Variants in DDX1 observed in about 807,000 individuals in gnomAD.
The protein encoded by DDX1 is DEAD-box helicase 1.
A neutral mutation model predicts 108.7 loss-of-function variants in DDX1; 28 were observed. That is an observed-to-expected ratio of 0.26 (90% CI 0.19 to 0.35). The LOEUF is 0.35. Among genes scored for constraint, DDX1 ranks in the 10% least tolerant of loss-of-function variants. DDX1 has a pLI of 1.00. For missense variants in DDX1, 710 were observed against 884.5 expected, an observed-to-expected ratio of 0.80 and a Z score of 2.50; for synonymous variants, 295 against 288.9, an observed-to-expected ratio of 1.02 and a Z score of -0.21.
chr2:15,601,179 T>C (rs142607537), intron 6 of DDX1, among the ~76,000 whole-genome samples: 2 of 152,314 alleles, frequency 1.3e-5, no homozygotes, highest in African/African-American at 4.8e-5. Context: ...TGGGGTTTTT[T>C]CCCACAAGTC....
At chr2:15,611,737 G>T (rs1461958605) in intron 13 of DDX1, among the ~76,000 whole-genome samples, 2 of 108,792 alleles carry the variant, frequency 1.8e-5, no homozygotes, top group Non-Finnish European at 3.7e-5. Context: ...CCGGGCGGGG[G>T]GCTGACCCCC....
At chr2:15,595,059 AC>A (rs1665476997) in intron 1 of DDX1, 85 bp from the exon 2 acceptor site, 1 of 1,049,032 alleles carries the variant, frequency 9.5e-7, no homozygotes, top group South Asian at 1.5e-5. Flanking sequence ...CAAAATCTTT[AC>A]CCTGTTTTAT....
intron 25 of DDX1, among the ~76,000 whole-genome samples, 171 bp from the exon 26 acceptor site, chr2:15,630,605 G>T (rs1275776292): frequency 6.6e-6 from 1 of 152,150 alleles, no homozygotes; most frequent in Non-Finnish European, 1.5e-5. Flanking sequence ...TATTTATATT[G>T]AAATAATTGA....
At chr2:15,611,752 C>A (rs557498406) in intron 13 of DDX1, among the ~76,000 whole-genome samples, 12,249 of 86,000 alleles carry the variant, frequency 0.14, 751 homozygotes, top group Admixed American at 0.2. Context: ...ACCCCCCCAC[C>A]TCCCTCCCGG....
intron 14 of DDX1, among the ~76,000 whole-genome samples, chr2:15,615,271 G>T (rs1029048065): frequency 6.6e-6 from 1 of 152,136 alleles, no homozygotes; most frequent in Non-Finnish European, 1.5e-5. Flanking sequence ...TATAAATAAA[G>T]ATGTCTCACA....
At chr2:15,609,118 A>G (rs1056507654) in intron 13 of DDX1, among the ~76,000 whole-genome samples, 1 of 152,224 alleles carries the variant, frequency 6.6e-6, no homozygotes, top group Non-Finnish European at 1.5e-5. Flanking sequence ...TGAGCATACC[A>G]TGTAACCAGG....
chr2:15,609,718 A>T lies in DDX1; in HGVS notation c.956+2405A>T, dbSNP rs554003637. Among the ~76,000 whole-genome samples, 22 of 151,000 alleles carry T rather than the reference A, an allele frequency of 1.5e-4. No homozygotes were observed. In the East Asian group the frequency reaches 4.3e-3, roughly 29 times the overall value. On this transcript the variant is annotated intron_variant, in intron 13 of 25. Transcript: ENST00000233084. ...TTTATAGGGATAAATATATCTGATT[A>T]TAAATGTGGATAAAAGTAAAAGTAT...
intron 19 of DDX1, among the ~76,000 whole-genome samples, chr2:15,624,776 G>T (rs749538685): frequency 6.6e-6 from 1 of 152,116 alleles, no homozygotes; most frequent in Non-Finnish European, 1.5e-5. Flanking sequence ...GTATAATACC[G>T]TTGTACATGC....
chr2:15,621,579 T>C (rs1666008464), intron 18 of DDX1, among the ~76,000 whole-genome samples: 1 of 151,840 alleles, frequency 6.6e-6, no homozygotes, highest in African/African-American at 2.4e-5. Flanking sequence ...GTTCTGGGAT[T>C]ACAGGCATGA....
intron 19 of DDX1, among the ~76,000 whole-genome samples, chr2:15,625,801 A>C (rs985652258): frequency 6.6e-6 from 1 of 152,176 alleles, no homozygotes; most frequent in Non-Finnish European, 1.5e-5. Flanking sequence ...CGTCAAGGAA[A>C]TAGAAAACTC....
Position 15,612,703 on chromosome 2 carries a change from C to G in DDX1, c.957-521C>G, listed in dbSNP as rs548542164. On this transcript the variant is annotated intron_variant, in intron 13 of 25. Transcript: ENST00000233084. The stretch of plus-strand genomic sequence containing the variant: ...CGAGCCGAGATCACGCCACTGCACT[C>G]CAGCCTGGGCAACATTGAGCACTGA... Among the ~76,000 whole-genome samples the G allele has an allele frequency of 1.4e-3, 213 of 152,286 alleles. 1 individual carries two copies. Among genetic ancestry groups the G allele is most frequent in the African/African-American group, 4.6e-3 (193 of 41,566 alleles).
At chr2:15,595,710 TC>T (rs1171417512) in intron 3 of DDX1, among the ~76,000 whole-genome samples, 157 bp downstream of exon 3, 1 of 152,150 alleles carries the variant, frequency 6.6e-6, no homozygotes, top group East Asian at 1.9e-4. Context: ...AAGTATTTAC[TC>T]CTGAGAAGCT....
At chr2:15,596,105 T>TC (rs1413451652) in intron 3 of DDX1, among the ~76,000 whole-genome samples, 4 of 152,172 alleles carry the variant, frequency 2.6e-5, no homozygotes, top group Admixed American at 2.6e-4. Flanking sequence ...CAGTCTGGTC[T>TC]CCAACTCCCA....
intron 20 of DDX1, among the ~76,000 whole-genome samples, chr2:15,627,825 C>T (rs1369234280): frequency 6.6e-6 from 1 of 152,164 alleles, no homozygotes; most frequent in South Asian, 2.1e-4. Context: ...TGTGAAAACA[C>T]ATCGCATGGC....
rs764429298 is a variant in DDX1 at position 15,591,925 on chromosome 2, G to T, written c.-9G>T. ...GCGAGCAGGCGAAGCCGCGGAGGAC[G>T]GGGTGAAGATGGCGGCCTTCTCCGG... On this transcript the variant is annotated 5_prime_UTR_variant, in exon 1 of 26. Coordinates refer to ENST00000233084, the MANE Select transcript of DDX1 (RefSeq NM_004939.3). 6.9e-7 allele frequency: 1 copy of T among 1,451,670 alleles called. No homozygotes were observed. The highest frequency in any genetic ancestry group is 9.1e-7 in the Non-Finnish European group (1 of 1,102,530). The allele number at this position is 1,451,670 out of a possible 1,614,324, so 89.9% of individuals were successfully genotyped here.
chr2:15,605,929 C>T, intron 10 of DDX1, 21 bp from the exon 11 acceptor site: 1 of 1,499,616 alleles, frequency 6.7e-7, no homozygotes, highest in South Asian at 1.3e-5. Context: ...TTTAATCTCT[C>T]TCTCTCTCTT....
intron 14 of DDX1, among the ~76,000 whole-genome samples, chr2:15,613,641 A>T (rs1665840119): frequency 6.6e-6 from 1 of 152,148 alleles, no homozygotes; most frequent in Non-Finnish European, 1.5e-5. Context: ...GATTGCAGAG[A>T]AGGATAGAAG....
Position 15,630,130 on chromosome 2 carries a change from A to G in DDX1, c.2092+20A>G. 1.2e-6 allele frequency: 2 copies of G among 1,610,610 alleles called. No homozygotes were observed. The highest frequency in any genetic ancestry group is 1.7e-6 in the Non-Finnish European group (2 of 1,178,844). ...CTGGTGGTAAGCTTTGAATTATTTT[A>G]AATACAATTTTAAATGTAAATATAC... On this transcript the variant is annotated intron_variant, in intron 25 of 25. Transcript: ENST00000233084.
At position 15,628,711 on chromosome 2, in the gene DDX1, G is replaced by GTACT; in HGVS notation, c.1832+3_1832+6dup. On this transcript the variant is annotated splice_donor_variant, in intron 22 of 25. Coordinates refer to ENST00000233084, the MANE Select transcript of DDX1 (RefSeq NM_004939.3). LOFTEE classifies it high-confidence loss of function. Reference sequence around the variant, plus strand: ...TTGGCAGAGTAGGAAGAGCTGAAAGGTACTTCTGCAATTTTTTTTCCCCCA... The same window carrying GTACT: ...TTGGCAGAGTAGGAAGAGCTGAAAGGTACTTACTTCTGCAATTTTTTTTCCCCCA... The GTACT allele has an allele frequency of 6.2e-7, 1 of 1,607,690 alleles. No individual in the cohort carries two copies. Among genetic ancestry groups the GTACT allele is most frequent in the Non-Finnish European group, 8.5e-7 (1 of 1,178,954 alleles).
Sources: gnomAD v4.1 joint callset for allele counts (sites outside exome capture counted in the v4.1 genomes callset) on GRCh38, gnomAD v4.1.1 for gene constraint, MANE v1.5 for transcripts, NCBI Gene and HGNC (gene_info 2026-07-23, HGNC 2026-07-21) for gene names.